LYG2: variants seen among roughly 807,000 people sequenced by gnomAD.
LYG2 encodes lysozyme g2, also known as lysozyme g-like protein 2.
LYG2 carries 25 observed loss-of-function variants against 22.4 expected under a neutral mutation model. That is an observed-to-expected ratio of 1.12 (90% CI 0.81 to 1.56). The LOEUF is 1.56. Ranked by LOEUF, LYG2 falls within the 40% of genes most tolerant of loss-of-function variation. LYG2 has a pLI of 0.00. For missense variants in LYG2, 266 were observed against 269.5 expected (o/e 0.99, Z 0.09); for synonymous variants, 88 against 97.0 (o/e 0.91, Z 0.55).
intron 3 of LYG2, among the ~76,000 whole-genome samples, chr2:99,253,048 C>CAA (rs35859472): frequency 0.024 from 1,577 of 66,634 alleles, 54 homozygotes; most frequent in Middle Eastern, 0.047. Flanking sequence ...GACTCTGTCT[C>CAA]AAAAAAAAAA....
At chr2:99,251,652 A>G (rs550288076) in intron 3 of LYG2, among the ~76,000 whole-genome samples, 2 of 152,262 alleles carry the variant, frequency 1.3e-5, no homozygotes, top group Admixed American at 1.3e-4. Flanking sequence ...AATAAACGAC[A>G]GCTCCATAGC....
Position 99,246,693 on chromosome 2 carries a change from A to G in LYG2, c.171T>C (p.Ser57=). The change falls in exon 4 of 7, where the codon AGT becomes AGC. Residue 57 remains serine (S), a synonymous_variant. Transcript: ENST00000333017. ...KTSGATCDAN[S]VMNCGIRGSE... is the part of the protein sequence containing the mutation. ...CTTTTCACTTACCGCAGTTCATCAC[A>G]CTGTTTGCATCACAAGTGGCCCCAG... 3 of 1,613,700 alleles carry G rather than the reference A, an allele frequency of 1.9e-6. No homozygotes were observed. Among genetic ancestry groups the G allele is most frequent in the Non-Finnish European group, 2.5e-6 (3 of 1,179,926 alleles).
At chr2:99,248,933 T>C (rs796764353) in intron 3 of LYG2, among the ~76,000 whole-genome samples, 3 of 152,290 alleles carry the variant, frequency 2.0e-5, no homozygotes, top group African/African-American at 7.2e-5. Flanking sequence ...GCCAAAATAA[T>C]TTAAGTCAAA....
intron 5 of LYG2, among the ~76,000 whole-genome samples, chr2:99,244,872 A>T (rs1338492397): frequency 6.6e-6 from 1 of 152,070 alleles, no homozygotes; most frequent in Admixed American, 6.6e-5. Flanking sequence ...GCACTTTGGG[A>T]GACTGAGGTG....
intron 5 of LYG2, among the ~76,000 whole-genome samples, chr2:99,244,558 AAAGGAAC>A (rs763921667): frequency 9.2e-5 from 14 of 152,270 alleles, no homozygotes; most frequent in Non-Finnish European, 1.9e-4. Flanking sequence ...CAGTTTACCC[AAAGGAAC>A]AAGTTGTTTC....
chr2:99,246,681 G>A lies in LYG2; in HGVS notation c.183C>T (p.Cys61=), dbSNP rs143781703. The A allele has an allele frequency of 1.9e-4, 302 of 1,610,980 alleles. No homozygotes were observed. In the African/African-American group the frequency reaches 3.3e-3, roughly 18 times the overall value. ...TCATTTGCTCTGCTTTTCACTTACC[G>A]CAGTTCATCACACTGTTTGCATCAC... ...ATCDANSVMN[C]GIRGSEMFAE... is the part of the protein sequence containing the mutation. The change falls in exon 4 of 7, where the codon TGC becomes TGT. Residue 61 remains cysteine (C), a splice_region_variant and synonymous_variant. Transcript: ENST00000333017.
chr2:99,246,971 C>T, intron 3 of LYG2, 151 bp from the exon 4 acceptor site: 1 of 685,030 alleles, frequency 1.5e-6, no homozygotes, highest in South Asian at 2.1e-5. Context: ...CAGAAGTTCC[C>T]CATGCCCACT....
At chr2:99,260,925 A>C in the LYG2 span, among the ~76,000 whole-genome samples, 2 of 152,194 alleles carry the variant, frequency 1.3e-5, no homozygotes, top group South Asian at 4.1e-4. Context: ...TCATGTGCTG[A>C]GAGTAAAAAC....
chr2:99,249,426 C>CAAAAA (rs74617660), intron 3 of LYG2, among the ~76,000 whole-genome samples: 1 of 92,594 alleles, frequency 1.1e-5, no homozygotes. Flanking sequence ...TCTCAAATCT[C>CAAAAA]AAAAAAAAAA....
At position 99,246,721 on chromosome 2, in the gene LYG2, G is replaced by T. The variant is rs760202774; in HGVS notation, c.143C>A (p.Thr48Asn). 2 of 1,614,166 alleles carry T rather than the reference G, an allele frequency of 1.2e-6. No homozygotes were observed. The highest frequency in any genetic ancestry group is 1.7e-6 in the Non-Finnish European group (2 of 1,180,018). ...GCYGDIMTMKTSGATCDANSV... is the reference protein window; with the variant it reads ...GCYGDIMTMKNSGATCDANSV... ...GTTTGCATCACAAGTGGCCCCAGAG[G>T]TCTTCATGGTCATGATGTCCCCATA... Residue 48 changes from threonine to asparagine, a missense_variant, in exon 4 of 7, where the codon ACC becomes AAC. Physicochemically the swap from Thr to Asn is moderately conservative, Grantham distance 65. Transcript: ENST00000333017.
At chr2:99,251,206 TAAATC>T (rs1441892498) in intron 3 of LYG2, among the ~76,000 whole-genome samples, 2 of 152,128 alleles carry the variant, frequency 1.3e-5, no homozygotes, top group East Asian at 1.9e-4. Context: ...ATTTTAAAAT[TAAATC>T]AAATGGGGAA....
At chr2:99,260,853 T>C in the LYG2 span, among the ~76,000 whole-genome samples, 3 of 152,152 alleles carry the variant, frequency 2.0e-5, no homozygotes, top group Admixed American at 1.3e-4. Context: ...ATAGAGTTGA[T>C]AGGAGAAAAC....
In LYG2 at chr2:99,254,276, C is replaced by T. The variant is rs775205785; in HGVS notation, c.-16G>A. On this transcript the variant is annotated 5_prime_UTR_variant, in exon 3 of 7. Coordinates refer to ENST00000333017, the MANE Select transcript of LYG2 (RefSeq NM_175735.4). Reference sequence around the variant, plus strand: ...AGGATAACATGGCGGGGAATCTTATCTTCCAGGACCTGCTCTGATTTGAAA... The same window carrying T: ...AGGATAACATGGCGGGGAATCTTATTTTCCAGGACCTGCTCTGATTTGAAA... The T allele has an allele frequency of 1.9e-6, 3 of 1,613,350 alleles. No homozygotes were observed. Among genetic ancestry groups the T allele is most frequent in the Non-Finnish European group, 2.5e-6 (3 of 1,179,520 alleles).
In LYG2 at chr2:99,246,770, G is replaced by A. The variant is rs528669075; in HGVS notation, c.94C>T (p.His32Tyr). ...PFSHSMKPHL[H>Y]PRLYHGCYGD... Reference sequence around the variant, plus strand: ...TAGCAGCCGTGGTACAGGCGTGGATGTAGGTGAGGCTTCATTGAGTGACTG... The same window carrying A: ...TAGCAGCCGTGGTACAGGCGTGGATATAGGTGAGGCTTCATTGAGTGACTG... The change falls in exon 4 of 7, where the codon CAT (histidine) becomes TAT (tyrosine). Residue 32 changes from histidine to tyrosine, a missense_variant. Physicochemically the swap from His to Tyr is moderately conservative, Grantham distance 83 (BLOSUM62 2). Coordinates refer to ENST00000333017, the MANE Select transcript of LYG2 (RefSeq NM_175735.4). 4 of 1,614,128 alleles carry A rather than the reference G, an allele frequency of 2.5e-6. No homozygotes were observed. The highest frequency in any genetic ancestry group is 1.6e-4 in the Middle Eastern group (1 of 6,062).
chr2:99,260,829 A>G, the LYG2 span, among the ~76,000 whole-genome samples: 1 of 152,224 alleles, frequency 6.6e-6, no homozygotes, highest in Non-Finnish European at 1.5e-5. Context: ...TCAGATAGCA[A>G]TGCAGTTCAG....
intron 3 of LYG2, 80 bp downstream of exon 3, chr2:99,254,138 T>G: frequency 8.1e-7 from 1 of 1,236,508 alleles, no homozygotes; most frequent in East Asian, 2.3e-5. Context: ...AGGTAATCAT[T>G]GCTCTTTCTG....
chr2:99,261,167 C>T, the LYG2 span, among the ~76,000 whole-genome samples: 1 of 151,840 alleles, frequency 6.6e-6, no homozygotes, highest in Non-Finnish European at 1.5e-5. Context: ...TGCAGCTCTG[C>T]GGGGGCCATG....
At chr2:99,243,318 C>A in intron 6 of LYG2, 1 of 916,616 alleles carries the variant, frequency 1.1e-6, no homozygotes, top group Non-Finnish European at 1.6e-6. Context: ...GAGTTAATTC[C>A]ATCTGGGAGA....
intron 2 of LYG2, 128 bp from the exon 3 acceptor site, chr2:99,254,413 T>C: frequency 2.2e-6 from 1 of 457,564 alleles, no homozygotes; most frequent in Non-Finnish European, 3.8e-6. Context: ...TGTTTCAAGA[T>C]AGTATTCTCA....
Sources: gnomAD v4.1 joint callset for allele counts (sites outside exome capture counted in the v4.1 genomes callset) on GRCh38, gnomAD v4.1.1 for gene constraint, MANE v1.5 for transcripts, NCBI Gene and HGNC (gene_info 2026-07-23, HGNC 2026-07-21) for gene names.